The following CEP152 variants were observed in gnomAD, a reference collection of about 807,000 sequenced individuals.
CEP152 encodes the protein centrosomal protein of 152 kDa.
A neutral mutation model predicts 188.9 loss-of-function variants in CEP152; 132 were observed. That is an observed-to-expected ratio of 0.70 (90% CI 0.61 to 0.81). The LOEUF (loss-of-function observed/expected upper bound fraction) is 0.81. Among genes scored for constraint, CEP152 ranks in the 30% least tolerant of loss-of-function variants. The pLI is 0.00. For missense variants in CEP152, 1,914 were observed against 1,969.8 expected (o/e 0.97, Z 0.54); for synonymous variants, 649 against 666.6 (o/e 0.97, Z 0.41).
chr15:48,737,781 A>G (rs1595579175), downstream of CEP152, among the ~76,000 whole-genome samples: 2 of 152,350 alleles, frequency 1.3e-5, no homozygotes, highest in Admixed American at 1.3e-4. Context: ...TATGTAGATT[A>G]AGTTCATAGC....
intron 12 of CEP152, among the ~76,000 whole-genome samples, chr15:48,776,769 T>C (rs1895938192): frequency 1.3e-5 from 2 of 152,218 alleles, no homozygotes; most frequent in African/African-American, 4.8e-5. Flanking sequence ...AAACAGGTGA[T>C]GTGGAAGTTT....
At chr15:48,785,299 G>A (rs1026074336) in intron 9 of CEP152, among the ~76,000 whole-genome samples, 3 of 152,188 alleles carry the variant, frequency 2.0e-5, no homozygotes, top group Admixed American at 6.5e-5. Context: ...TAATGAAGCT[G>A]TGTTTGCTTT....
chr15:48,784,990 A>AAT (rs1378297833), intron 9 of CEP152, among the ~76,000 whole-genome samples: 1 of 152,246 alleles, frequency 6.6e-6, no homozygotes, highest in African/African-American at 2.4e-5. Flanking sequence ...ATTCCAGGCA[A>AAT]ATGGCAGAGC....
intron 2 of CEP152, among the ~76,000 whole-genome samples, chr15:48,732,606 C>T (rs1182691598): frequency 2.7e-5 from 4 of 150,120 alleles, no homozygotes; most frequent in South Asian, 2.1e-4. Flanking sequence ...AGCAAACCAC[C>T]ATGGCACACA....
chr15:48,755,903 C>A lies in CEP152; in HGVS notation c.3345G>T (p.Lys1115Asn), dbSNP rs1217181704. Reference protein sequence around the residue: ...LVENADPEWKKRNMAELSKDS... With the variant: ...LVENADPEWKNRNMAELSKDS... ...CCTTCTCTCACTCTCAGGAACATACCTTTTTCCATTCTGGGTCAGCGTTTT... is the reference window on the plus strand; with the variant it reads ...CCTTCTCTCACTCTCAGGAACATACATTTTTCCATTCTGGGTCAGCGTTTT... The change falls in exon 20 of 27, where the codon AAG becomes AAT. Residue 1115 changes from lysine (K) to asparagine (N), a missense_variant and splice_region_variant. By Grantham distance (94) the Lys-to-Asn change is moderately conservative. Coordinates refer to ENST00000380950, the MANE Select transcript of CEP152 (RefSeq NM_001194998.2). 6.2e-7 allele frequency: 1 copy of A among 1,613,318 alleles called. No individual in the cohort carries two copies. The highest frequency in any genetic ancestry group is 1.3e-5 in the African/African-American group (1 of 74,876).
intron 12 of CEP152, among the ~76,000 whole-genome samples, chr15:48,776,429 T>G (rs1314548697): frequency 6.6e-6 from 1 of 152,114 alleles, no homozygotes; most frequent in Non-Finnish European, 1.5e-5. Flanking sequence ...TGGGTAATAA[T>G]GTAAACTTTA....
intron 13 of CEP152, among the ~76,000 whole-genome samples, chr15:48,770,623 C>T (rs1254833967): frequency 6.6e-6 from 1 of 152,116 alleles, no homozygotes; most frequent in African/African-American, 2.4e-5. Context: ...CTAATAAACT[C>T]TAATGTCTTA....
intron 12 of CEP152, among the ~76,000 whole-genome samples, chr15:48,777,703 T>A (rs1310356289): frequency 1.3e-5 from 2 of 152,122 alleles, no homozygotes; most frequent in South Asian, 2.1e-4. Flanking sequence ...TTACAAGAAA[T>A]ATAAAATATT....
chr15:48,804,584 C>T (rs1032046356), intron 2 of CEP152, among the ~76,000 whole-genome samples: 2 of 152,340 alleles, frequency 1.3e-5, no homozygotes, highest in Middle Eastern at 3.4e-3. Context: ...ACCAATAACA[C>T]TATTACTGCT....
At chr15:48,733,897 A>C (rs891900354), downstream of CEP152, among the ~76,000 whole-genome samples, 4 of 152,210 alleles carry the variant, frequency 2.6e-5, no homozygotes, top group African/African-American at 9.6e-5. Context: ...AGAACTCTAA[A>C]TATATCACAT....
rs187258154 is a variant in CEP152 at position 48,743,131 on chromosome 15, T to C, written c.3836-1031A>G. Among the ~76,000 whole-genome samples the C allele has an allele frequency of 7.2e-5, 11 of 152,338 alleles. 1 individual carries two copies. Among genetic ancestry groups the C allele is most frequent in the Admixed American group, 5.9e-4 (9 of 15,306 alleles). ...TTCCACTTCCCAATTAATACATTAT[T>C]AACAAAAAGTTGCGTTGCTTGTAGC... On this transcript the variant is annotated intron_variant, in intron 24 of 26. Coordinates refer to ENST00000380950, the MANE Select transcript of CEP152 (RefSeq NM_001194998.2).
intron 1 of CEP152, among the ~76,000 whole-genome samples, chr15:48,809,893 C>T (rs1363014409): frequency 6.6e-6 from 1 of 152,206 alleles, no homozygotes; most frequent in African/African-American, 2.4e-5. Flanking sequence ...AATGTCACTT[C>T]TAATAATGCA....
Position 48,788,996 on chromosome 15 carries a change from G to C in CEP152, c.978C>G (p.Ile326Met), listed in dbSNP as rs1386015938. The change falls in exon 9 of 27, where the codon ATC becomes ATG. Residue 326 changes from isoleucine to methionine, a missense_variant. Transcript: ENST00000380950. ...CCATTTCAGTTGTTCTGGACTTCTT[G>C]ATCATCTAGTAAATACACACAGGAT... ...QALKVNEEQM[I>M]KKSRTTEMAL... 1 of 1,613,722 alleles carries C rather than the reference G, an allele frequency of 6.2e-7. No homozygotes were observed. Among genetic ancestry groups the C allele is most frequent in the Non-Finnish European group, 8.5e-7 (1 of 1,179,672 alleles).
chr15:48,799,166 A>G (rs1374873586), intron 2 of CEP152, among the ~76,000 whole-genome samples: 1 of 152,132 alleles, frequency 6.6e-6, no homozygotes, highest in East Asian at 1.9e-4. Flanking sequence ...TCAGGAAAAA[A>G]AAAATGAGAT....
intron 1 of CEP152, among the ~76,000 whole-genome samples, chr15:48,808,587 AAAG>A (rs774718789): frequency 2.0e-5 from 3 of 152,158 alleles, no homozygotes; most frequent in Non-Finnish European, 2.9e-5. Flanking sequence ...GTGATGTTTC[AAAG>A]AAGTGTCATT....
At position 48,762,649 on chromosome 15, in the gene CEP152, C is replaced by A. The variant is rs1334503132; in HGVS notation, c.2304G>T (p.Gln768His). 1 of 1,613,692 alleles carries A rather than the reference C, an allele frequency of 6.2e-7. No homozygotes were observed. The highest frequency in any genetic ancestry group is 1.3e-5 in the African/African-American group (1 of 74,916). ...GCTTAGACTGCCACTCCTTTTCAAG[C>A]TGTTGAATGAGTTTTTCTTTGATCT... The part of the protein sequence containing the change: ...QEKIKEKLIQ[Q>H]LEKEWQSKLD... The change falls in exon 18 of 27, where the codon CAG (glutamine) becomes CAT (histidine). Residue 768 changes from glutamine to histidine, a missense_variant. By Grantham distance (24) the Gln-to-His change is conservative. Coordinates refer to ENST00000380950, the MANE Select transcript of CEP152 (RefSeq NM_001194998.2).
At chr15:48,777,025 G>C (rs1367252840) in intron 12 of CEP152, among the ~76,000 whole-genome samples, 3 of 152,004 alleles carry the variant, frequency 2.0e-5, no homozygotes, top group Non-Finnish European at 2.9e-5. Context: ...TATTCCAATA[G>C]ACAAGCTTCC....
rs1894763837 is a variant in CEP152, at chr15:48,762,536, T to A, written c.2417A>T (p.Lys806Met). 6 of 1,614,008 alleles carry A rather than the reference T, an allele frequency of 3.7e-6. No individual in the cohort carries two copies. Among genetic ancestry groups the A allele is most frequent in the Non-Finnish European group, 5.1e-6 (6 of 1,180,006 alleles). ...DQVTTSDVIS[K>M]KEMAIMIEEQ... ...TTCTATCATAATTGCCATCTCTTTC[T>A]TGGAAATAACATCACTGGTGGTTAC... Residue 806 changes from lysine (K) to methionine (M), a missense_variant, in exon 18 of 27, where the codon AAG becomes ATG. Coordinates refer to ENST00000380950, the MANE Select transcript of CEP152 (RefSeq NM_001194998.2).
chr15:48,791,185 T>C, intron 8 of CEP152, 52 bp downstream of exon 8: 1 of 1,540,260 alleles, frequency 6.5e-7, no homozygotes, highest in East Asian at 2.3e-5. Context: ...AAAAGTTTTG[T>C]TAAATAACTA....
Sources: gnomAD v4.1 joint callset for allele counts (sites outside exome capture counted in the v4.1 genomes callset) on GRCh38, gnomAD v4.1.1 for gene constraint, MANE v1.5 for transcripts, NCBI Gene and HGNC (gene_info 2026-07-23, HGNC 2026-07-21) for gene names.